Variants in TBC1D1 observed in about 807,000 individuals in gnomAD.
The protein encoded by TBC1D1 is TBC1 domain family member 1.
Under a neutral mutation model 125.6 loss-of-function variants are expected in TBC1D1, and 89 were observed. The observed-to-expected ratio is 0.71, with a 90% CI of 0.60 to 0.85. The LOEUF (loss-of-function observed/expected upper bound fraction) is 0.85. Ranked by LOEUF, TBC1D1 falls within the 40% of genes least tolerant of loss-of-function variation. The probability of loss-of-function intolerance (pLI) is 0.00; values close to 1 mark genes in which losing one functional copy is unlikely to be tolerated. For missense variants in TBC1D1, 1,377 were observed against 1,469.2 expected, an observed-to-expected ratio of 0.94 and a Z score of 1.03; for synonymous variants, 565 against 564.1, an observed-to-expected ratio of 1.00 and a Z score of -0.02.
intron 1 of TBC1D1, among the ~76,000 whole-genome samples, chr4:37,894,995 C>T (rs1714230979): frequency 6.6e-6 from 1 of 152,136 alleles, no homozygotes; most frequent in South Asian, 2.1e-4. Context: ...TGTGAACGTA[C>T]AGAAGATCAT....
intron 7 of TBC1D1, among the ~76,000 whole-genome samples, chr4:38,028,129 AC>A (rs370641655): frequency 3.3e-4 from 50 of 151,650 alleles, no homozygotes; most frequent in African/African-American, 1.1e-3. Context: ...AAACAAACAA[AC>A]AAAAAAAACA....
intron 13 of TBC1D1, among the ~76,000 whole-genome samples, chr4:38,092,331 C>A (rs921639657): frequency 1.1e-4 from 16 of 152,040 alleles, no homozygotes; most frequent in Admixed American, 5.2e-4. Flanking sequence ...TATTTCTGGG[C>A]ACAAAAACAT....
chr4:37,896,637 C>T (rs889700795), intron 1 of TBC1D1, among the ~76,000 whole-genome samples: 7 of 152,036 alleles, frequency 4.6e-5, no homozygotes, highest in Non-Finnish European at 4.4e-5. Flanking sequence ...TTTTCAACTT[C>T]ACACTTGAAA....
At chr4:38,081,118 C>T (rs948778352) in intron 12 of TBC1D1, among the ~76,000 whole-genome samples, 5 of 152,144 alleles carry the variant, frequency 3.3e-5, no homozygotes, top group African/African-American at 1.2e-4. Flanking sequence ...TTGCTGGCCC[C>T]TCATAGGCTG....
rs1304852837 is a variant in TBC1D1, at chr4:38,014,455, G to A, written c.418-54G>A. The A allele has an allele frequency of 2.4e-5, 37 of 1,553,718 alleles. No homozygotes were observed. Among genetic ancestry groups the A allele is most frequent in the South Asian group, 1.6e-4 (14 of 86,988 alleles). On this transcript the variant is annotated intron_variant, in intron 2 of 19. Transcript: ENST00000261439. This position sits in a 1 kb window ranked among gnomAD's most constrained non-coding sequence, Gnocchi z 5.1. Reference sequence around the variant, plus strand: ...CGAAAGAGCATGGTGCATTCATTCCGTGAGTGCCAGCCACACTGCATGTTC... The same window carrying A: ...CGAAAGAGCATGGTGCATTCATTCCATGAGTGCCAGCCACACTGCATGTTC...
rs148074145 is a variant in TBC1D1, at chr4:38,091,658, G to A, written c.2236+1541G>A. Among the ~76,000 whole-genome samples the A allele has an allele frequency of 1.9e-4, 29 of 152,338 alleles. No individual in the cohort carries two copies. The East Asian group carries it at 3.3e-3, about 17-fold the overall frequency. On this transcript the variant is annotated intron_variant, in intron 13 of 19. Coordinates refer to ENST00000261439, the MANE Select transcript of TBC1D1 (RefSeq NM_015173.4). ...CAGGGCATAGCTATAAAATGGGAAC[G>A]GTGCTCACAGCTGGCTTCTTTGTGG...
chr4:37,959,704 G>A (rs952923393), intron 2 of TBC1D1, among the ~76,000 whole-genome samples: 9 of 152,144 alleles, frequency 5.9e-5, no homozygotes, highest in African/African-American at 2.2e-4. Flanking sequence ...TTATCTCTAG[G>A]CCTTAGAAAC....
intron 15 of TBC1D1, among the ~76,000 whole-genome samples, chr4:38,103,406 G>T (rs1384663190): frequency 6.6e-6 from 1 of 152,190 alleles, no homozygotes; most frequent in African/African-American, 2.4e-5. Flanking sequence ...CATTAAGGCT[G>T]CAGTCATAAT....
chr4:38,088,588 A>C (rs976996399), intron 12 of TBC1D1, among the ~76,000 whole-genome samples: 15 of 152,266 alleles, frequency 9.9e-5, no homozygotes, highest in Non-Finnish European at 2.1e-4. Context: ...AGTAGCTGAA[A>C]TTTTGATTTC....
At chr4:38,082,863 T>A (rs13148801) in intron 12 of TBC1D1, among the ~76,000 whole-genome samples, 26,708 of 152,068 alleles carry the variant, frequency 0.18, 2,612 homozygotes, top group East Asian at 0.45. Context: ...AGGACTTTTT[T>A]CTTCCTCATC....
chr4:38,096,012 T>G lies in TBC1D1; in HGVS notation c.2320T>G (p.Trp774Gly). The change falls in exon 14 of 20, where the codon TGG becomes GGG. Residue 774 changes from tryptophan to glycine, a missense_variant. Transcript: ENST00000261439. ...CTGTCTTAAAGAAGTAACTACAGTG[T>G]GGGAAAAGATGCTTAGCACTCCAGG... 1 of 1,614,046 alleles carries G rather than the reference T, an allele frequency of 6.2e-7. No individual in the cohort carries two copies. The highest frequency in any genetic ancestry group is 8.5e-7 in the Non-Finnish European group (1 of 1,179,942).
chr4:38,110,245 G>C (rs539330265), intron 15 of TBC1D1: 1 of 985,284 alleles, frequency 1.0e-6, no homozygotes, highest in Non-Finnish European at 1.2e-6. Context: ...TCACAGCACC[G>C]TACAGGGACC....
At chr4:38,108,614 G>A (rs1471875841) in intron 15 of TBC1D1, among the ~76,000 whole-genome samples, 2 of 152,174 alleles carry the variant, frequency 1.3e-5, no homozygotes, top group African/African-American at 4.8e-5. Flanking sequence ...CTGTGCTGCC[G>A]CGAGACGCTA....
chr4:38,030,945 ATC>A (rs1746002791), intron 7 of TBC1D1, among the ~76,000 whole-genome samples: 1 of 152,260 alleles, frequency 6.6e-6, no homozygotes, highest in South Asian at 2.1e-4. Context: ...GCTGGAGGTT[ATC>A]TCTACTGTAA....
chr4:37,955,236 T>C (rs758491289), intron 2 of TBC1D1, among the ~76,000 whole-genome samples: 8 of 152,208 alleles, frequency 5.3e-5, no homozygotes, highest in Non-Finnish European at 7.4e-5. Flanking sequence ...TTCTGGAGCA[T>C]GTATCTCTCC....
At chr4:37,950,003 C>T (rs1471209430) in intron 2 of TBC1D1, among the ~76,000 whole-genome samples, 1 of 152,008 alleles carries the variant, frequency 6.6e-6, no homozygotes, top group Non-Finnish European at 1.5e-5. Flanking sequence ...GCCTTTCTTT[C>T]TTCCCTGTGT....
rs1202318945 is a variant in TBC1D1, at chr4:38,118,156, T to G, written c.2926T>G (p.Ser976Ala). ...CCCCTGGTTCCTCACCATGTTTGCC[T>G]CACAGTTCCCGCTGGGATTCGTAGC... The change falls in exon 17 of 20, where the codon TCA becomes GCA. Residue 976 changes from serine (S) to alanine (A), a missense_variant. Coordinates refer to ENST00000261439, the MANE Select transcript of TBC1D1 (RefSeq NM_015173.4). The G allele has an allele frequency of 3.7e-6, 6 of 1,614,106 alleles. No individual in the cohort carries two copies. Among genetic ancestry groups the G allele is most frequent in the Non-Finnish European group, 5.1e-6 (6 of 1,180,048 alleles).
chr4:38,104,037 A>G (rs1467636073), intron 15 of TBC1D1, among the ~76,000 whole-genome samples: 7 of 151,646 alleles, frequency 4.6e-5, no homozygotes, highest in Admixed American at 2.0e-4. Context: ...GTGGGCGCCT[A>G]TAGTCCCAGC....
intron 5 of TBC1D1, 64 bp from the exon 6 acceptor site, chr4:38,021,522 A>T: frequency 1.4e-6 from 2 of 1,400,564 alleles, no homozygotes; most frequent in Non-Finnish European, 1.9e-6. Flanking sequence ...ATTTTCTGAC[A>T]TCTCAGCCCA....
Sources: gnomAD v4.1 joint callset for allele counts (sites outside exome capture counted in the v4.1 genomes callset) on GRCh38, gnomAD v4.1.1 for gene constraint, Gnocchi (gnomAD v3.1) non-coding constraint, MANE v1.5 for transcripts, NCBI Gene and HGNC (gene_info 2026-07-23, HGNC 2026-07-21) for gene names.